Variants in ATP2B2 observed in about 807,000 individuals in gnomAD.
ATP2B2 encodes ATPase plasma membrane Ca2+ transporting 2.
In ATP2B2, 15 loss-of-function variants were observed where a neutral mutation model predicts 120.0. The ratio of observed to expected loss-of-function variants is 0.12; its 90% CI spans 0.08 to 0.19. ATP2B2 has a LOEUF of 0.19. Among genes scored for constraint, ATP2B2 ranks in the 10% least tolerant of loss-of-function variants. The pLI is 1.00. For synonymous variants in ATP2B2, 694 were observed against 700.3 expected (o/e 0.99, Z 0.14); for missense variants, 1,045 against 1,719.8 (o/e 0.61, Z 6.94).
chr3:10,379,586 G>C (rs1469561653), intron 8 of ATP2B2, among the ~76,000 whole-genome samples: 1 of 152,146 alleles, frequency 6.6e-6, no homozygotes, highest in South Asian at 2.1e-4. Flanking sequence ...AGTATCAGAG[G>C]GTGCAGGGGA....
chr3:10,452,902 G>A (rs1160413404), intron 1 of ATP2B2, among the ~76,000 whole-genome samples: 1 of 152,202 alleles, frequency 6.6e-6, no homozygotes, highest in African/African-American at 2.4e-5. Context: ...GGCAAAGCTG[G>A]TGAACATTTA....
At chr3:10,549,176 C>A (rs894854570) in intron 2 of ATP2B2, among the ~76,000 whole-genome samples, 1 of 152,156 alleles carries the variant, frequency 6.6e-6, no homozygotes, top group African/African-American at 2.4e-5. Flanking sequence ...AATGGAGGTG[C>A]CTGAGCCATG....
intron 10 of ATP2B2, among the ~76,000 whole-genome samples, chr3:10,376,414 A>G (rs2061381970): frequency 6.6e-6 from 1 of 152,200 alleles, no homozygotes; most frequent in Non-Finnish European, 1.5e-5. Context: ...TTCCATGTAG[A>G]GGAAACAGCA....
At position 10,375,148 on chromosome 3, in the gene ATP2B2, T is replaced by G. The variant is rs934341688; in HGVS notation, c.1416+282A>C. The stretch of plus-strand genomic sequence containing the variant: ...GGCTTCTCTTGGAAAAAGGTGACAA[T>G]GTGGCAATGCTGGGCCTGCACCCCT... On this transcript the variant is annotated intron_variant, in intron 11 of 22. Coordinates refer to ENST00000360273, the MANE Select transcript of ATP2B2 (RefSeq NM_001001331.4). The surrounding 1 kb of genome is among the most constrained non-coding windows in gnomAD (Gnocchi z 4.2). Among the ~76,000 whole-genome samples, 19 of 152,268 alleles carry G rather than the reference T, an allele frequency of 1.2e-4. No individual in the cohort carries two copies. Among genetic ancestry groups the G allele is most frequent in the African/African-American group, 4.6e-4 (19 of 41,558 alleles).
chr3:10,462,831 C>G (rs2064553914), intron 1 of ATP2B2, among the ~76,000 whole-genome samples: 1 of 152,132 alleles, frequency 6.6e-6, no homozygotes. Flanking sequence ...CACATCCCAC[C>G]TGATTGGCTC....
At chr3:10,369,143 G>A (rs1274686435) in intron 12 of ATP2B2, among the ~76,000 whole-genome samples, 1 of 152,212 alleles carries the variant, frequency 6.6e-6, no homozygotes, top group Non-Finnish European at 1.5e-5. Flanking sequence ...AGTGAAGCTG[G>A]TGGACATTGC....
chr3:10,570,360 T>C (rs887413850), intron 2 of ATP2B2: 2 of 152,180 alleles, frequency 1.3e-5, no homozygotes, highest in Admixed American at 6.5e-5. Flanking sequence ...GTTTGGTGAG[T>C]GGGAGGGATT....
chr3:10,360,252 G>GC, intron 12 of ATP2B2, 129 bp from the exon 13 acceptor site: 1 of 1,433,742 alleles, frequency 7.0e-7, no homozygotes, highest in South Asian at 1.5e-5. Flanking sequence ...CCCTCAGGGA[G>GC]CCCTTGGCCC....
chr3:10,562,711 G>T (rs1194398710), intron 2 of ATP2B2, among the ~76,000 whole-genome samples: 5 of 152,144 alleles, frequency 3.3e-5, no homozygotes, highest in Non-Finnish European at 5.9e-5. Context: ...AAATATTCAA[G>T]AATTGGGCAA....
intron 2 of ATP2B2, among the ~76,000 whole-genome samples, chr3:10,421,822 C>T (rs938988064): frequency 6.6e-6 from 1 of 152,220 alleles, no homozygotes; most frequent in African/African-American, 2.4e-5. Context: ...CATCTGGCTT[C>T]GAACCCAGGA....
chr3:10,420,509 C>T (rs954309484), intron 2 of ATP2B2, among the ~76,000 whole-genome samples: 1 of 152,160 alleles, frequency 6.6e-6, no homozygotes, highest in Non-Finnish European at 1.5e-5. Flanking sequence ...TTACAGGTGC[C>T]TGCCACCATG....
intron 8 of ATP2B2, among the ~76,000 whole-genome samples, chr3:10,381,447 C>A (rs1268451220): frequency 6.6e-6 from 1 of 152,182 alleles, no homozygotes; most frequent in East Asian, 1.9e-4. Flanking sequence ...GATGCAATAG[C>A]CGGTGTGTGC....
Position 10,452,706 on chromosome 3 carries a change from G to A in ATP2B2, c.-319-2844C>T, listed in dbSNP as rs77401965. ...AGATGCTGGGGGAAGGCTGAACCCCGCTGGAGGGGTGAGCGCTGGGGAGGT... is the reference window on the plus strand; with the variant it reads ...AGATGCTGGGGGAAGGCTGAACCCCACTGGAGGGGTGAGCGCTGGGGAGGT... On this transcript the variant is annotated intron_variant, in intron 1 of 22. Transcript: ENST00000360273. Among the ~76,000 whole-genome samples the A allele has an allele frequency of 3.9e-4, 59 of 152,262 alleles. No homozygotes were observed. In the East Asian group the frequency reaches 4.1e-3, roughly 10 times the overall value.
At position 10,581,912 on chromosome 3, in the gene ATP2B2, A is replaced by G. The variant is rs957548723; in HGVS notation, c.-415+38005T>C. Among the ~76,000 whole-genome samples the G allele has an allele frequency of 2.0e-5, 3 of 152,210 alleles. No individual in the cohort carries two copies. The East Asian group carries it at 5.8e-4, about 29-fold the overall frequency. On this transcript the variant is annotated intron_variant, in intron 2 of 21. Coordinates refer to the ATP2B2 transcript ENST00000646379. ...TGCTAGAGAAGGATTTGTTAGGTAA[A>G]CACAGAGCACAAATAAGATCCAAGT...
At chr3:10,610,950 A>G (rs1559485535) in intron 2 of ATP2B2, among the ~76,000 whole-genome samples, 1 of 152,156 alleles carries the variant, frequency 6.6e-6, no homozygotes, top group Admixed American at 6.5e-5. Context: ...ATAACAGTGC[A>G]TCCTGCCCGG....
At chr3:10,438,103 C>T (rs1489627931) in intron 2 of ATP2B2, among the ~76,000 whole-genome samples, 1 of 152,170 alleles carries the variant, frequency 6.6e-6, no homozygotes, top group South Asian at 2.1e-4. Context: ...CCCCCTGGCC[C>T]ATACCCACTG....
intron 1 of ATP2B2, among the ~76,000 whole-genome samples, chr3:10,502,090 T>C (rs147016951): frequency 1.3e-5 from 2 of 152,156 alleles, no homozygotes; most frequent in African/African-American, 4.8e-5. Flanking sequence ...TGGGCCAGTG[T>C]TTCAGGCTCT....
rs760294184 is a variant in ATP2B2 at position 10,342,883 on chromosome 3, G to A, written c.2786C>T (p.Pro929Leu). The A allele has an allele frequency of 1.4e-5, 22 of 1,614,038 alleles. No individual in the cohort carries two copies. The highest frequency in any genetic ancestry group is 2.7e-5 in the African/African-American group (2 of 74,930). The change falls in exon 19 of 23, where the codon CCG (proline) becomes CTG (leucine). Residue 929 changes from proline (P) to leucine (L), a missense_variant. Coordinates refer to ENST00000360273, the MANE Select transcript of ATP2B2 (RefSeq NM_001001331.4). This position sits in a 1 kb window ranked among gnomAD's most constrained non-coding sequence, Gnocchi z 4.4. The stretch of plus-strand genomic sequence containing the variant: ...CCTCAGCAGCAGGGTCTCCGTGGGC[G>A]GCTCAGTGGCCAGTGCCAGCGAGGC... Reference protein sequence around the residue: ...TFASLALATEPPTETLLLRKP... With the variant: ...TFASLALATELPTETLLLRKP...
chr3:10,556,872 C>T (rs2067791994), intron 2 of ATP2B2, among the ~76,000 whole-genome samples: 1 of 152,108 alleles, frequency 6.6e-6, no homozygotes, highest in African/African-American at 2.4e-5. Context: ...TACAATTGTC[C>T]CTATTTTGCA....
Sources: allele counts gnomAD v4.1 joint callset (sites outside exome capture counted in the v4.1 genomes callset), GRCh38; gene constraint gnomAD v4.1.1; non-coding constraint Gnocchi (gnomAD v3.1); transcripts MANE v1.5; gene names NCBI Gene and HGNC (gene_info 2026-07-23, HGNC 2026-07-21).